The following PPFIA2 variants were observed in gnomAD, a reference collection of about 807,000 sequenced individuals.
PPFIA2 encodes the protein PPFI scaffold protein A2, also known as liprin-alpha-2.
PPFIA2 carries 46 observed loss-of-function variants against 175.5 expected under a neutral mutation model. The ratio of observed to expected loss-of-function variants is 0.26; its 90% CI spans 0.21 to 0.34. The LOEUF (loss-of-function observed/expected upper bound fraction) is 0.34. PPFIA2 is among the 10% of genes least tolerant of loss of function. PPFIA2 has a pLI of 1.00. For synonymous variants in PPFIA2, 568 were observed against 511.4 expected (o/e 1.11, Z -1.49); for missense variants, 1,179 against 1,506.1 (o/e 0.78, Z 3.60).
At chr12:81,753,140 GC>G (rs1365270216) in intron 3 of PPFIA2, among the ~76,000 whole-genome samples, 1 of 152,030 alleles carries the variant, frequency 6.6e-6, no homozygotes, top group Non-Finnish European at 1.5e-5. Context: ...TCACCATGTT[GC>G]CCAGGCTGGT....
chr12:81,549,240 T>G (rs1225851810), intron 4 of PPFIA2, among the ~76,000 whole-genome samples: 1 of 152,196 alleles, frequency 6.6e-6, no homozygotes, highest in East Asian at 1.9e-4. Context: ...AGTTCTTCTG[T>G]GATGTTGAGT....
At chr12:81,468,389 G>A (rs2056120537) in intron 4 of PPFIA2, among the ~76,000 whole-genome samples, 1 of 152,176 alleles carries the variant, frequency 6.6e-6, no homozygotes, top group South Asian at 2.1e-4. Flanking sequence ...TGTAGTTAAA[G>A]CATGTCAGGG....
At chr12:81,604,597 T>TTATA (rs3075456) in intron 4 of PPFIA2, among the ~76,000 whole-genome samples, 31 of 149,894 alleles carry the variant, frequency 2.1e-4, no homozygotes, top group East Asian at 3.9e-4. Flanking sequence ...CAATCGAAAA[T>TTATA]TATATATATA....
intron 8 of PPFIA2, among the ~76,000 whole-genome samples, chr12:81,398,178 A>T (rs916780556): frequency 1.3e-5 from 2 of 152,042 alleles, no homozygotes; most frequent in Non-Finnish European, 1.5e-5. Flanking sequence ...GTTGCCAAAA[A>T]CTTTGGGGAC....
chr12:81,268,455 G>C (rs1201908807), intron 28 of PPFIA2, among the ~76,000 whole-genome samples: 1 of 152,066 alleles, frequency 6.6e-6, no homozygotes, highest in Non-Finnish European at 1.5e-5. Flanking sequence ...TTTCATAGTA[G>C]AACCACTGGC....
intron 3 of PPFIA2, among the ~76,000 whole-genome samples, chr12:81,682,031 T>C (rs1444332741): frequency 6.6e-6 from 1 of 152,062 alleles, no homozygotes; most frequent in Non-Finnish European, 1.5e-5. Context: ...ATAATAATTG[T>C]CAATTATGGG....
intron 4 of PPFIA2, among the ~76,000 whole-genome samples, chr12:81,559,812 T>C (rs2069620411): frequency 6.6e-6 from 1 of 151,514 alleles, no homozygotes; most frequent in Non-Finnish European, 1.5e-5. Flanking sequence ...TTGTTTTTTT[T>C]TTTGTTGTTG....
chr12:81,263,367 A>G lies in PPFIA2; in HGVS notation c.3579T>C (p.Arg1193=), dbSNP rs373586403. ...GAAACTGCCTTCTCCAGGTTGATCC[A>G]CGTCTGAAGTTCTTGTCATCACTCT... ...LDESDDKNFR[R]GSTWRRQFPP... The change falls in exon 31 of 33, where the codon CGT becomes CGC. Residue 1193 remains arginine (R), a synonymous_variant. Coordinates refer to ENST00000549396, the MANE Select transcript of PPFIA2 (RefSeq NM_003625.5). 8 of 1,613,346 alleles carry G rather than the reference A, an allele frequency of 5.0e-6. No homozygotes were observed. The highest frequency in any genetic ancestry group is 3.3e-5 in the South Asian group (3 of 91,060).
chr12:81,663,686 C>A (rs1234786095), intron 4 of PPFIA2, among the ~76,000 whole-genome samples: 1 of 151,946 alleles, frequency 6.6e-6, no homozygotes, highest in Non-Finnish European at 1.5e-5. Flanking sequence ...TGGAAAAAAC[C>A]ACTTTAAAGT....
chr12:81,477,362 A>T (rs1236427151), intron 4 of PPFIA2, among the ~76,000 whole-genome samples: 1 of 152,188 alleles, frequency 6.6e-6, no homozygotes, highest in Non-Finnish European at 1.5e-5. Context: ...CCTTTGACAG[A>T]GAATGATTAT....
chr12:81,675,014 A>T (rs1391982419), intron 4 of PPFIA2, among the ~76,000 whole-genome samples: 1 of 151,944 alleles, frequency 6.6e-6, no homozygotes, highest in Non-Finnish European at 1.5e-5. Context: ...AATGTTTTCC[A>T]CTCTACAAAA....
chr12:81,641,691 T>C (rs534098168), intron 4 of PPFIA2, among the ~76,000 whole-genome samples: 2 of 152,250 alleles, frequency 1.3e-5, no homozygotes, highest in South Asian at 4.1e-4. Flanking sequence ...CACAGTCATA[T>C]AAACAAGCCC....
chr12:81,411,007 C>T (rs1212837444), intron 7 of PPFIA2, among the ~76,000 whole-genome samples: 1 of 152,030 alleles, frequency 6.6e-6, no homozygotes, highest in Non-Finnish European at 1.5e-5. Context: ...CCCTTTTGTG[C>T]CCCAACTCAT....
intron 22 of PPFIA2, among the ~76,000 whole-genome samples, chr12:81,314,037 A>T (rs2051676308): frequency 6.6e-6 from 1 of 151,944 alleles, no homozygotes; most frequent in Non-Finnish European, 1.5e-5. Context: ...AAATTATCTG[A>T]TTTCTCATAG....
intron 4 of PPFIA2, among the ~76,000 whole-genome samples, chr12:81,619,048 G>A (rs567209802): frequency 1.3e-5 from 2 of 152,242 alleles, no homozygotes; most frequent in South Asian, 2.1e-4. Flanking sequence ...CACAAAAATT[G>A]CTTGTGAAGA....
intron 4 of PPFIA2, among the ~76,000 whole-genome samples, chr12:81,469,722 A>G (rs746481343): frequency 2.9e-4 from 44 of 152,222 alleles, no homozygotes; most frequent in Admixed American, 7.2e-4. Flanking sequence ...AATAGTCCAG[A>G]CTCCATATGC....
chr12:81,657,062 C>T (rs957269779), intron 4 of PPFIA2, among the ~76,000 whole-genome samples: 6 of 152,202 alleles, frequency 3.9e-5, no homozygotes, highest in Middle Eastern at 3.4e-3. Context: ...ATAAATTTCA[C>T]GTTTTGCTGA....
At chr12:81,507,727 C>T (rs1001448748) in intron 4 of PPFIA2, among the ~76,000 whole-genome samples, 3 of 152,246 alleles carry the variant, frequency 2.0e-5, no homozygotes, top group Non-Finnish European at 2.9e-5. Context: ...CTTTAGTCTA[C>T]GCTAGGCATA....
intron 3 of PPFIA2, among the ~76,000 whole-genome samples, chr12:81,688,033 G>T (rs763799705): frequency 6.6e-6 from 1 of 151,886 alleles, no homozygotes; most frequent in East Asian, 1.9e-4. Context: ...GCCTGAAAGG[G>T]AAGGAAACCT....
Sources: allele counts gnomAD v4.1 joint callset (sites outside exome capture counted in the v4.1 genomes callset), GRCh38; gene constraint gnomAD v4.1.1; transcripts MANE v1.5; gene names NCBI Gene and HGNC (gene_info 2026-07-23, HGNC 2026-07-21).